KCNT1: variants seen among roughly 807,000 people sequenced by gnomAD.
The protein encoded by KCNT1 is potassium sodium-activated channel subfamily T member 1.
In KCNT1, 78 loss-of-function variants were observed where a neutral mutation model predicts 147.8. The ratio of observed to expected loss-of-function variants is 0.53; its 90% CI spans 0.44 to 0.64. The LOEUF (loss-of-function observed/expected upper bound fraction) is 0.64. Among genes scored for constraint, KCNT1 ranks in the 30% least tolerant of loss-of-function variants. KCNT1 has a pLI of 0.00. For synonymous variants in KCNT1, 867 were observed against 748.8 expected, an observed-to-expected ratio of 1.16 and a Z score of -2.58; for missense variants, 1,419 against 1,750.3, an observed-to-expected ratio of 0.81 and a Z score of 3.38.
At chr9:135,754,154 C>T (rs1013830971) in intron 5 of KCNT1, among the ~76,000 whole-genome samples, 161 bp downstream of exon 5, 3 of 152,048 alleles carry the variant, frequency 2.0e-5, no homozygotes, top group Non-Finnish European at 2.9e-5. Flanking sequence ...AGTAGCCAGG[C>T]GCTCAGAGGC....
At chr9:135,709,203 C>A (rs1156342257) in intron 1 of KCNT1, among the ~76,000 whole-genome samples, 1 of 152,068 alleles carries the variant, frequency 6.6e-6, no homozygotes, top group Non-Finnish European at 1.5e-5. Context: ...GGAAAGCGGT[C>A]GTGTTTAGTT....
chr9:135,732,312 A>T (rs1254795074), intron 2 of KCNT1, among the ~76,000 whole-genome samples: 10 of 152,030 alleles, frequency 6.6e-5, no homozygotes, highest in Admixed American at 1.3e-4. Flanking sequence ...AGCCACCGCA[A>T]CTGGCTTCAA....
chr9:135,729,739 G>C (rs1260888343), intron 2 of KCNT1, among the ~76,000 whole-genome samples: 1 of 152,122 alleles, frequency 6.6e-6, no homozygotes, highest in Non-Finnish European at 1.5e-5. Context: ...GTGGAAGTTG[G>C]GTCTGCAGGC....
chr9:135,763,804 C>T (rs1016219633), intron 11 of KCNT1, among the ~76,000 whole-genome samples: 2 of 152,144 alleles, frequency 1.3e-5, no homozygotes, highest in Admixed American at 6.5e-5. Flanking sequence ...AGGGTCACTA[C>T]GGAGCTGCCG....
At chr9:135,772,980 G>T (rs533069066) in intron 19 of KCNT1, 31 bp downstream of exon 19, 33 of 1,398,696 alleles carry the variant, frequency 2.4e-5, no homozygotes, top group East Asian at 5.5e-5. Context: ...GGCTCCCAGT[G>T]GGGGGAGGAG....
At chr9:135,709,894 T>G (rs1460118326) in intron 1 of KCNT1, among the ~76,000 whole-genome samples, 2 of 152,230 alleles carry the variant, frequency 1.3e-5, no homozygotes, top group Non-Finnish European at 2.9e-5. Flanking sequence ...TTAGCCAGGC[T>G]GGTCTCAAAC....
rs143025634 is a variant in KCNT1 at position 135,752,015 on chromosome 9, G to A, written c.434+974G>A. On this transcript the variant is annotated intron_variant, in intron 4 of 30. Transcript: ENST00000371757. The surrounding 1 kb of genome is among the most constrained non-coding windows in gnomAD (Gnocchi z 5.1). ...CCCATCTGCTGGGCCTGTTTCTCCC[G>A]AGCTCACATTGGGCCCTGACTTTTT... The A allele has an allele frequency of 5.0e-3, 1,005 of 201,020 alleles. 4 individuals are homozygous for A. Among genetic ancestry groups the A allele is most frequent in the Middle Eastern group, 0.023 (11 of 488 alleles). 12.5% of individuals were successfully genotyped at this position (201,020 alleles called of 1,614,324 possible).
intron 2 of KCNT1, among the ~76,000 whole-genome samples, chr9:135,716,072 G>A (rs577213233): frequency 1.3e-5 from 2 of 152,338 alleles, no homozygotes; most frequent in African/African-American, 2.4e-5. Flanking sequence ...GGCGGCGTGC[G>A]TGGCTGGGAG....
chr9:135,748,229 C>T (rs7848912), intron 2 of KCNT1, among the ~76,000 whole-genome samples: 79,986 of 151,984 alleles, frequency 0.53, 21,208 homozygotes, highest in Middle Eastern at 0.55. Context: ...CCACTGTGAC[C>T]GGCCCCTGGC....
At chr9:135,726,905 TTC>T (rs1387886039) in intron 2 of KCNT1, among the ~76,000 whole-genome samples, 3 of 5,030 alleles carry the variant, frequency 6.0e-4, no homozygotes, top group African/African-American at 9.2e-4. Flanking sequence ...CTCTTTCCCA[TTC>T]TCTCTCTCTC....
chr9:135,731,936 T>C (rs1836449515), intron 2 of KCNT1, among the ~76,000 whole-genome samples: 1 of 141,886 alleles, frequency 7.0e-6, no homozygotes, highest in Non-Finnish European at 1.5e-5. Context: ...TCATCACATA[T>C]CTAAATACTT....
At chr9:135,759,402 G>A (rs543109102) in intron 10 of KCNT1, among the ~76,000 whole-genome samples, 1 of 152,330 alleles carries the variant, frequency 6.6e-6, no homozygotes, top group East Asian at 1.9e-4. Context: ...AGGCAGGGAG[G>A]CTCCGGGGAA....
chr9:135,715,692 G>GA (rs1835695849), intron 2 of KCNT1, among the ~76,000 whole-genome samples: 1 of 151,956 alleles, frequency 6.6e-6, no homozygotes, highest in Non-Finnish European at 1.5e-5. Context: ...ATCTACTGCT[G>GA]AAACCGCAGC....
rs1833431650 is a variant in KCNT1 at position 135,779,341 on chromosome 9, G to C, written c.2730-18G>C. The C allele has an allele frequency of 6.4e-7, 1 of 1,560,676 alleles. No homozygotes were observed. The highest frequency in any genetic ancestry group is 1.4e-5 in the African/African-American group (1 of 73,712). ...ACAACCACCATGGGCCCCGCCCTGA[G>C]CCGCCTGCCTCCCCCAGGCTCTTCC... On this transcript the variant is annotated intron_variant, in intron 23 of 30. Transcript: ENST00000371757.
chr9:135,775,558 G>C, intron 20 of KCNT1, 143 bp downstream of exon 20: 1 of 604,528 alleles, frequency 1.7e-6, no homozygotes, highest in Non-Finnish European at 2.8e-6. Flanking sequence ...CTGCAAGGGA[G>C]AGCCACAGAT....
At chr9:135,759,569 C>T (rs1022910078) in intron 10 of KCNT1, 110 bp from the exon 11 acceptor site, 2 of 1,216,574 alleles carry the variant, frequency 1.6e-6, no homozygotes, top group African/African-American at 1.5e-5. Context: ...TGGTGATGCA[C>T]AGCTCAGTCT....
intron 2 of KCNT1, among the ~76,000 whole-genome samples, chr9:135,716,776 T>A (rs538875608): frequency 2.0e-3 from 301 of 152,196 alleles, no homozygotes; most frequent in Non-Finnish European, 3.7e-3. Flanking sequence ...GAAAGGCCCA[T>A]GGGGTACAGG....
chr9:135,786,615 C>T (rs1456766461), intron 29 of KCNT1, 94 bp downstream of exon 29: 56 of 1,187,080 alleles, frequency 4.7e-5, no homozygotes, highest in South Asian at 4.2e-4. Context: ...TCCCGGGGCC[C>T]GGGCCGTCCT....
At chr9:135,773,430 G>T (rs905790056) in intron 19 of KCNT1, among the ~76,000 whole-genome samples, 2 of 152,228 alleles carry the variant, frequency 1.3e-5, no homozygotes, top group African/African-American at 4.8e-5. Context: ...GCACAGAGGG[G>T]CACAGCCCGC....
Sources: gnomAD v4.1 joint callset for allele counts (sites outside exome capture counted in the v4.1 genomes callset) on GRCh38, gnomAD v4.1.1 for gene constraint, Gnocchi (gnomAD v3.1) non-coding constraint, MANE v1.5 for transcripts, NCBI Gene and HGNC (gene_info 2026-07-23, HGNC 2026-07-21) for gene names.